WDTC1: variants seen among roughly 807,000 people sequenced by gnomAD.
WDTC1 encodes the protein WD and tetratricopeptide repeats protein 1.
Under a neutral mutation model 76.0 loss-of-function variants are expected in WDTC1, and 12 were observed. That is an observed-to-expected ratio of 0.16 (90% CI 0.10 to 0.26). The LOEUF (loss-of-function observed/expected upper bound fraction) is 0.26, where lower values mean the gene tolerates loss of function less well. WDTC1 is among the 10% of genes least tolerant of loss of function. The pLI, the probability that WDTC1 is intolerant of heterozygous loss-of-function variation, is 1.00. For synonymous variants in WDTC1, 326 were observed against 350.8 expected, an observed-to-expected ratio of 0.93 and a Z score of 0.79; for missense variants, 511 against 908.8, an observed-to-expected ratio of 0.56 and a Z score of 5.63.
At chr1:27,299,895 C>G (rs1374883750) in intron 12 of WDTC1, among the ~76,000 whole-genome samples, 3 of 152,304 alleles carry the variant, frequency 2.0e-5, no homozygotes, top group African/African-American at 7.2e-5. Context: ...GGGCCAGTCT[C>G]CCCAGGGCTG....
chr1:27,301,266 G>C lies in WDTC1; in HGVS notation c.1273G>C (p.Ala425Pro). Reference sequence around the variant, plus strand: ...TGATGCCCTGAGGGACTGCCTCAAGGCCATCTCCCTAAACCCATGCCACCT... The same window carrying C: ...TGATGCCCTGAGGGACTGCCTCAAGCCCATCTCCCTAAACCCATGCCACCT... ...HYDALRDCLK[A>P]ISLNPCHLKA... Residue 425 changes from alanine (A) to proline (P), a missense_variant, in exon 13 of 16, where the codon GCC becomes CCC. Ala to Pro is a conservative substitution (Grantham distance 27). Transcript: ENST00000319394. The surrounding 1 kb of genome is among the most constrained non-coding windows in gnomAD (Gnocchi z 5.8). 6.2e-7 allele frequency: 1 copy of C among 1,614,072 alleles called. No homozygotes were observed. Among genetic ancestry groups the C allele is most frequent in the Non-Finnish European group, 8.5e-7 (1 of 1,180,012 alleles).
intron 3 of WDTC1, among the ~76,000 whole-genome samples, chr1:27,264,694 C>T (rs1346749596): frequency 6.6e-6 from 1 of 151,968 alleles, no homozygotes; most frequent in Non-Finnish European, 1.5e-5. Flanking sequence ...TGCTGTGTTG[C>T]CCAAGCTGAT....
At chr1:27,263,798 T>C (rs1289166579) in intron 3 of WDTC1, among the ~76,000 whole-genome samples, 1 of 152,168 alleles carries the variant, frequency 6.6e-6, no homozygotes, top group Non-Finnish European at 1.5e-5. Context: ...CTATTTTTAC[T>C]ATTGGCTTGG....
intron 1 of WDTC1, among the ~76,000 whole-genome samples, chr1:27,252,006 C>T (rs530486136): frequency 6.6e-6 from 1 of 151,916 alleles, no homozygotes; most frequent in East Asian, 2.0e-4. Context: ...CAAGATCGCG[C>T]CACTGCACTC....
chr1:27,304,833 C>A, intron 14 of WDTC1, 168 bp from the exon 15 acceptor site: 1 of 622,802 alleles, frequency 1.6e-6, no homozygotes, highest in Non-Finnish European at 2.7e-6. Context: ...GAACAGTGAC[C>A]AGGGCTATAT....
chr1:27,264,904 G>A (rs2012611739), intron 3 of WDTC1, among the ~76,000 whole-genome samples: 1 of 151,950 alleles, frequency 6.6e-6, no homozygotes, highest in African/African-American at 2.4e-5. Context: ...CTGGACTCAA[G>A]TGATCCTCCT....
chr1:27,295,674 C>T (rs1378232670), intron 9 of WDTC1, among the ~76,000 whole-genome samples: 2 of 151,928 alleles, frequency 1.3e-5, no homozygotes, highest in Admixed American at 6.6e-5. Flanking sequence ...AGGCTAGTCT[C>T]GAACTCCTGA....
At chr1:27,296,284 C>A in intron 9 of WDTC1, 42 bp from the exon 10 acceptor site, 2 of 1,612,116 alleles carry the variant, frequency 1.2e-6, no homozygotes, top group Non-Finnish European at 1.7e-6. Context: ...CACATCCTTA[C>A]CTCACAGCTT....
chr1:27,269,689 A>G (rs568607944), intron 3 of WDTC1, among the ~76,000 whole-genome samples: 32 of 124,056 alleles, frequency 2.6e-4, no homozygotes, highest in Admixed American at 1.3e-3. Context: ...ATCTTGGCTT[A>G]CTGCAACCTC....
intron 9 of WDTC1, 93 bp downstream of exon 9, chr1:27,294,722 A>G: frequency 1.9e-6 from 2 of 1,049,288 alleles, no homozygotes; most frequent in Non-Finnish European, 2.9e-6. Context: ...GGCAGACAAG[A>G]CACAACAGCC....
intron 1 of WDTC1, among the ~76,000 whole-genome samples, chr1:27,243,962 C>A (rs1487233308): frequency 1.6e-5 from 2 of 122,154 alleles, no homozygotes; most frequent in Non-Finnish European, 1.7e-5. Flanking sequence ...CCCATCTCTA[C>A]AAAAAAAAAA....
intron 3 of WDTC1, among the ~76,000 whole-genome samples, chr1:27,272,162 C>T (rs1039406822): frequency 6.6e-6 from 1 of 151,892 alleles, no homozygotes; most frequent in Non-Finnish European, 1.5e-5. Context: ...AGGAGAATCG[C>T]TTGAACCCGG....
At chr1:27,268,380 T>A (rs891330814) in intron 3 of WDTC1, among the ~76,000 whole-genome samples, 21 of 146,328 alleles carry the variant, frequency 1.4e-4, no homozygotes, top group South Asian at 6.8e-4. Context: ...CTTTTTTTTT[T>A]AATTTAATTT....
chr1:27,258,630 A>G (rs1021461034), intron 1 of WDTC1, among the ~76,000 whole-genome samples: 7 of 152,200 alleles, frequency 4.6e-5, no homozygotes, highest in African/African-American at 1.7e-4. Context: ...TTAGCCCCAA[A>G]GAACTCGGAC....
intron 3 of WDTC1, among the ~76,000 whole-genome samples, chr1:27,264,447 A>G (rs2012590893): frequency 6.6e-6 from 1 of 151,754 alleles, no homozygotes; most frequent in Admixed American, 6.6e-5. Flanking sequence ...AAATAATAAA[A>G]TGTTTAAAAA....
chr1:27,263,319 C>T (rs2012544361), intron 3 of WDTC1, 84 bp downstream of exon 3: 3 of 1,367,554 alleles, frequency 2.2e-6, no homozygotes. Flanking sequence ...CTTATCAAGG[C>T]ATAAACAAGT....
At chr1:27,294,337 T>G (rs546203259) in intron 8 of WDTC1, among the ~76,000 whole-genome samples, 177 bp from the exon 9 acceptor site, 2 of 152,310 alleles carry the variant, frequency 1.3e-5, no homozygotes, top group South Asian at 4.1e-4. Flanking sequence ...TTATAATGAC[T>G]AAATGAGATA....
At position 27,306,436 on chromosome 1, in the gene WDTC1, G is replaced by A; in HGVS notation, c.*53G>A. The A allele has an allele frequency of 1.3e-6, 2 of 1,574,314 alleles. No homozygotes were observed. Among genetic ancestry groups the A allele is most frequent in the South Asian group, 1.1e-5 (1 of 89,042 alleles). ...GCTACTGGCTGGACCCTCTGCCCTG[G>A]GCAGGAGGTCAGGGGATTCTGTTTT... On this transcript the variant is annotated 3_prime_UTR_variant, in exon 16 of 16. Transcript: ENST00000319394. The surrounding 1 kb of genome is among the most constrained non-coding windows in gnomAD (Gnocchi z 5.0).
At position 27,303,261 on chromosome 1, in the gene WDTC1, CA is replaced by C. The variant is rs200592908; in HGVS notation, c.1469-344del. Among the ~76,000 whole-genome samples the C allele has an allele frequency of 0.034, 4,338 of 128,000 alleles. 174 individuals carry two copies. Among genetic ancestry groups the C allele is most frequent in the African/African-American group, 0.11 (3,744 of 34,700 alleles). 84.0% of individuals were successfully genotyped at this position (128,000 alleles called of 152,430 possible). A position where few individuals can be genotyped will look rare whatever the true frequency, so the allele number is the denominator to read the frequency against. On this transcript the variant is annotated intron_variant, in intron 13 of 15. Transcript: ENST00000319394. This position sits in a 1 kb window ranked among gnomAD's most constrained non-coding sequence, Gnocchi z 4.8. ...TGCACTCCAGCCTGCGTGACCATCT[CA>C]AAAAAAAAAAAAAAAGTCATCCATT... is the stretch of plus-strand genomic sequence containing the variant.
Sources: gnomAD v4.1 joint callset for allele counts (sites outside exome capture counted in the v4.1 genomes callset) on GRCh38, gnomAD v4.1.1 for gene constraint, Gnocchi (gnomAD v3.1) non-coding constraint, MANE v1.5 for transcripts, NCBI Gene and HGNC (gene_info 2026-07-23, HGNC 2026-07-21) for gene names.